Variants in CAMTA1 observed in about 807,000 individuals in gnomAD.
The protein encoded by CAMTA1 is calmodulin binding transcription activator 1, also known as calmodulin-binding transcription activator 1.
CAMTA1 carries 27 observed loss-of-function variants against 170.9 expected under a neutral mutation model. That is an observed-to-expected ratio of 0.16 (90% CI 0.12 to 0.22). The LOEUF (loss-of-function observed/expected upper bound fraction) is 0.22. CAMTA1 is among the 10% of genes least tolerant of loss of function. The pLI, the probability that CAMTA1 is intolerant of heterozygous loss-of-function variation, is 1.00. For synonymous variants in CAMTA1, 833 were observed against 891.5 expected (o/e 0.93, Z 1.17); for missense variants, 1,619 against 2,217.2 (o/e 0.73, Z 5.42).
chr1:7,002,674 C>T (rs1162361106), intron 3 of CAMTA1, among the ~76,000 whole-genome samples: 2 of 152,276 alleles, frequency 1.3e-5, no homozygotes, highest in Non-Finnish European at 2.9e-5. Flanking sequence ...GTTACTCAAC[C>T]GACAGTGCAT....
At chr1:7,459,040 C>T (rs2093023582) in intron 5 of CAMTA1, among the ~76,000 whole-genome samples, 1 of 152,226 alleles carries the variant, frequency 6.6e-6, no homozygotes, top group Non-Finnish European at 1.5e-5. Context: ...TTGGGAGCAG[C>T]TCCAGGACTT....
rs1396644245 is a variant in CAMTA1 at position 7,738,911 on chromosome 1, A to C, written c.4182+429A>C. ...TTATCTGAGTGACCTTGATCGGCAT[A>C]GCTATCATCTAGCCATTGTAAAGGG... On this transcript the variant is annotated intron_variant, in intron 16 of 22. Transcript: ENST00000303635. This position sits in a 1 kb window ranked among gnomAD's most constrained non-coding sequence, Gnocchi z 4.9. Among the ~76,000 whole-genome samples, 1 of 152,224 alleles carries C rather than the reference A, an allele frequency of 6.6e-6. No individual in the cohort carries two copies. Among genetic ancestry groups the C allele is most frequent in the Non-Finnish European group, 1.5e-5 (1 of 68,042 alleles).
chr1:7,386,235 G>A (rs987750763), intron 5 of CAMTA1, among the ~76,000 whole-genome samples: 2 of 152,250 alleles, frequency 1.3e-5, no homozygotes, highest in African/African-American at 2.4e-5. Context: ...GACATGGTTC[G>A]TAGTCAGCTT....
intron 16 of CAMTA1, among the ~76,000 whole-genome samples, chr1:7,744,313 G>A (rs1049975111): frequency 7.9e-5 from 12 of 151,136 alleles, no homozygotes; most frequent in Non-Finnish European, 1.6e-4. Context: ...TGTATTTTTA[G>A]TAGGGACAGG....
chr1:7,089,538 CCCAT>C (rs1641200997), intron 3 of CAMTA1, among the ~76,000 whole-genome samples: 1 of 35,518 alleles, frequency 2.8e-5, no homozygotes, highest in Non-Finnish European at 5.0e-5. Context: ...CTAGCCCCAT[CCCAT>C]CCCATCCCAT....
At chr1:7,626,052 GACATAA>G (rs1465486431) in intron 6 of CAMTA1, among the ~76,000 whole-genome samples, 4 of 152,174 alleles carry the variant, frequency 2.6e-5, no homozygotes, top group African/African-American at 9.7e-5. Flanking sequence ...ACTCCTTCAA[GACATAA>G]ACTGTTGAGA....
intron 3 of CAMTA1, among the ~76,000 whole-genome samples, chr1:7,057,177 C>T (rs1707471340): frequency 6.6e-6 from 1 of 152,118 alleles, no homozygotes; most frequent in African/African-American, 2.4e-5. Flanking sequence ...ATCCAAGGTC[C>T]TTTTGGGAAT....
intron 7 of CAMTA1, among the ~76,000 whole-genome samples, chr1:7,654,604 A>T (rs1469720157): frequency 7.8e-6 from 1 of 128,188 alleles, no homozygotes; most frequent in African/African-American, 2.9e-5. Flanking sequence ...ATACACACAC[A>T]CTCCTATACA....
At chr1:7,183,968 T>C (rs951120762) in intron 4 of CAMTA1, among the ~76,000 whole-genome samples, 29 of 152,332 alleles carry the variant, frequency 1.9e-4, no homozygotes, top group Admixed American at 4.6e-4. Flanking sequence ...AGCCAAGATT[T>C]GGAAGCAACC....
chr1:7,184,628 A>T (rs920723925), intron 4 of CAMTA1, among the ~76,000 whole-genome samples: 3 of 152,210 alleles, frequency 2.0e-5, no homozygotes, highest in Admixed American at 6.5e-5. Context: ...TTGATTACTG[A>T]TGGGGTTGTT....
At chr1:6,811,425 T>A (rs1199247467) in intron 1 of CAMTA1, among the ~76,000 whole-genome samples, 1 of 152,180 alleles carries the variant, frequency 6.6e-6, no homozygotes. Flanking sequence ...AGTAGAGAGT[T>A]TACTTTTATG....
chr1:6,914,709 G>T (rs960392612), intron 3 of CAMTA1, among the ~76,000 whole-genome samples: 1 of 152,210 alleles, frequency 6.6e-6, no homozygotes, highest in African/African-American at 2.4e-5. Flanking sequence ...TTTAAGGCCA[G>T]GTCTGGCTTG....
At chr1:7,735,362 T>G (rs191068859) in intron 12 of CAMTA1, among the ~76,000 whole-genome samples, 1 of 151,450 alleles carries the variant, frequency 6.6e-6, no homozygotes, top group Non-Finnish European at 1.5e-5. Context: ...TAGAAATTGC[T>G]TGAACCTAGG....
At chr1:7,287,295 T>C (rs1331923389) in intron 5 of CAMTA1, among the ~76,000 whole-genome samples, 1 of 152,152 alleles carries the variant, frequency 6.6e-6, no homozygotes, top group Non-Finnish European at 1.5e-5. Flanking sequence ...AGGGAGAATA[T>C]GGCCATCATT....
chr1:7,721,570 T>C (rs1431846570), intron 11 of CAMTA1, among the ~76,000 whole-genome samples: 2 of 152,096 alleles, frequency 1.3e-5, no homozygotes, highest in African/African-American at 4.8e-5. Context: ...GTAAAATTCC[T>C]GGTCGTGAGC....
intron 5 of CAMTA1, among the ~76,000 whole-genome samples, chr1:7,284,707 G>T (rs1672107583): frequency 6.6e-6 from 1 of 152,142 alleles, no homozygotes; most frequent in African/African-American, 2.4e-5. Flanking sequence ...CAGTTCTTGT[G>T]CTCGCCACAT....
At chr1:6,969,262 G>A (rs1430345085) in intron 3 of CAMTA1, among the ~76,000 whole-genome samples, 1 of 152,238 alleles carries the variant, frequency 6.6e-6, no homozygotes, top group African/African-American at 2.4e-5. Context: ...TGAACTTGGA[G>A]TCTGGGCAGG....
At chr1:6,907,749 T>A (rs968586181) in intron 3 of CAMTA1, among the ~76,000 whole-genome samples, 1 of 152,062 alleles carries the variant, frequency 6.6e-6, no homozygotes, top group Admixed American at 6.5e-5. Flanking sequence ...AGAAGTAGCG[T>A]GGGCATGTGC....
At chr1:6,795,217 C>T (rs908086800) in intron 1 of CAMTA1, among the ~76,000 whole-genome samples, 82 of 152,134 alleles carry the variant, frequency 5.4e-4, no homozygotes, top group African/African-American at 1.9e-3. Context: ...GACAGGGTCT[C>T]GCTCTGTTGC....
Sources: gnomAD v4.1 joint callset for allele counts (sites outside exome capture counted in the v4.1 genomes callset) on GRCh38, gnomAD v4.1.1 for gene constraint, Gnocchi (gnomAD v3.1) non-coding constraint, MANE v1.5 for transcripts, NCBI Gene and HGNC (gene_info 2026-07-23, HGNC 2026-07-21) for gene names.